Variants in AFAP1 observed in about 807,000 individuals in gnomAD.
The protein encoded by AFAP1 is actin filament associated protein 1.
AFAP1 carries 75 observed loss-of-function variants against 93.9 expected under a neutral mutation model. The ratio of observed to expected loss-of-function variants is 0.80; its 90% CI spans 0.66 to 0.97. The LOEUF (loss-of-function observed/expected upper bound fraction) is 0.97. Among genes scored for constraint, AFAP1 ranks in the 50% least tolerant of loss-of-function variants. The pLI is 0.00. For synonymous variants in AFAP1, 517 were observed against 430.7 expected (o/e 1.20, Z -2.48); for missense variants, 1,201 against 1,050.8 (o/e 1.14, Z -1.98).
At chr4:7,795,598 G>T (rs1273427418) in intron 10 of AFAP1, among the ~76,000 whole-genome samples, 1 of 151,294 alleles carries the variant, frequency 6.6e-6, no homozygotes, top group Non-Finnish European at 1.5e-5. Context: ...ATAATTTTTT[G>T]TATTTTTAGT....
At chr4:7,858,543 T>A (rs939850417) in intron 3 of AFAP1, among the ~76,000 whole-genome samples, 26 of 152,084 alleles carry the variant, frequency 1.7e-4, no homozygotes, top group Non-Finnish European at 3.8e-4. Flanking sequence ...GTCTTTCCAA[T>A]CCTTTCCAAT....
At chr4:7,855,279 G>C (rs1022216692) in intron 4 of AFAP1, among the ~76,000 whole-genome samples, 187 bp downstream of exon 4, 1 of 152,236 alleles carries the variant, frequency 6.6e-6, no homozygotes, top group Non-Finnish European at 1.5e-5. Context: ...AGAGAGGCTT[G>C]TGTGTGAGGC....
chr4:7,787,863 C>T (rs1717454536), intron 11 of AFAP1, among the ~76,000 whole-genome samples: 1 of 152,156 alleles, frequency 6.6e-6, no homozygotes, highest in Admixed American at 6.5e-5. Context: ...CTGGGTGCCC[C>T]GGCACTCCCC....
At chr4:7,783,312 G>C (rs1340639736) in intron 12 of AFAP1, among the ~76,000 whole-genome samples, 1 of 152,114 alleles carries the variant, frequency 6.6e-6, no homozygotes, top group Non-Finnish European at 1.5e-5. Flanking sequence ...GCTAATTTTT[G>C]TATTTTTAGT....
chr4:7,763,795 G>GAGGAAAGGAGAGTCTTGT lies in AFAP1; in HGVS notation c.2419-22_2419-5dup. On this transcript the variant is annotated splice_polypyrimidine_tract_variant and splice_region_variant and intron_variant, in intron 17 of 17. Coordinates refer to ENST00000420658, the MANE Select transcript of AFAP1 (RefSeq NM_001134647.2). ...TCCCGTTCTTCAATTCCCATTCCTA[G>GAGGAAAGGAGAGTCTTGT]AGGAAAGGAGAGTCTTGTAAGTGGA... is the stretch of plus-strand genomic sequence containing the variant. 2.6e-6 allele frequency: 4 copies of GAGGAAAGGAGAGTCTTGT among 1,551,608 alleles called. No homozygotes were observed. The South Asian group carries it at 4.8e-5, about 18-fold the overall frequency.
chr4:7,848,656 T>C (rs1194028072), intron 4 of AFAP1, among the ~76,000 whole-genome samples: 1 of 152,162 alleles, frequency 6.6e-6, no homozygotes, highest in Non-Finnish European at 1.5e-5. Flanking sequence ...CTTCCCCGTG[T>C]GGACCACTCA....
intron 3 of AFAP1, among the ~76,000 whole-genome samples, chr4:7,856,404 G>A (rs189816759): frequency 4.5e-4 from 68 of 152,004 alleles, no homozygotes; most frequent in African/African-American, 1.5e-3. Context: ...CACCACACCC[G>A]GCTAATTTTT....
intron 1 of AFAP1, among the ~76,000 whole-genome samples, chr4:7,896,026 A>G (rs1251175243): frequency 6.6e-6 from 1 of 151,830 alleles, no homozygotes; most frequent in East Asian, 1.9e-4. Context: ...ACACCCGGCT[A>G]ATTTTTGTAC....
chr4:7,770,495 A>G (rs1490743703), intron 16 of AFAP1, among the ~76,000 whole-genome samples: 1 of 152,222 alleles, frequency 6.6e-6, no homozygotes, highest in African/African-American at 2.4e-5. Flanking sequence ...AGCATGGACA[A>G]CTGCTTCCAA....
At chr4:7,765,208 C>A (rs1343476800) in intron 17 of AFAP1, among the ~76,000 whole-genome samples, 1 of 152,130 alleles carries the variant, frequency 6.6e-6, no homozygotes, top group Non-Finnish European at 1.5e-5. Flanking sequence ...CAAAGGCCTC[C>A]CATCTCCACT....
intron 6 of AFAP1, among the ~76,000 whole-genome samples, chr4:7,827,642 G>A (rs1721553766): frequency 6.8e-6 from 1 of 146,802 alleles, no homozygotes. Flanking sequence ...GCTTCCCCAA[G>A]TGAAGCTTTT....
intron 3 of AFAP1, among the ~76,000 whole-genome samples, chr4:7,866,418 A>G (rs1250307463): frequency 2.0e-5 from 3 of 149,950 alleles, no homozygotes; most frequent in Non-Finnish European, 4.4e-5. Context: ...CTAGTCTTGA[A>G]CTCCTGAGCT....
chr4:7,833,851 G>A (rs1022096268), intron 6 of AFAP1, among the ~76,000 whole-genome samples: 1 of 152,044 alleles, frequency 6.6e-6, no homozygotes, highest in African/African-American at 2.4e-5. Context: ...GCCTCCCAAA[G>A]TGCTGGGATT....
chr4:7,875,431 A>C (rs1717438371), intron 1 of AFAP1, among the ~76,000 whole-genome samples: 1 of 152,138 alleles, frequency 6.6e-6, no homozygotes, highest in African/African-American at 2.4e-5. Context: ...TCATTAATCA[A>C]TTTCTTGATT....
At chr4:7,917,038 G>C (rs1025096719) in intron 1 of AFAP1, among the ~76,000 whole-genome samples, 3 of 152,190 alleles carry the variant, frequency 2.0e-5, no homozygotes, top group Non-Finnish European at 4.4e-5. Flanking sequence ...CCATGAGTTT[G>C]AGCAAGCAGC....
intron 4 of AFAP1, among the ~76,000 whole-genome samples, chr4:7,853,852 G>A (rs1295641233): frequency 6.6e-6 from 1 of 152,174 alleles, no homozygotes; most frequent in Non-Finnish European, 1.5e-5. Flanking sequence ...TGTGATTGGA[G>A]AAGCCACTGT....
At position 7,759,938 on chromosome 4, in the gene AFAP1, A is replaced by T. The variant is rs1260967490; in HGVS notation, c.*3827T>A. ...TCTAATGACATCAGTTCCGTGCATG[A>T]ACACAGCACCTCACCTGGGTGGCAA... On this transcript the variant is annotated 3_prime_UTR_variant, in exon 18 of 18. Coordinates refer to ENST00000420658, the MANE Select transcript of AFAP1 (RefSeq NM_001134647.2). The T allele has an allele frequency of 6.6e-6, 1 of 152,260 alleles. No homozygotes were observed. Among genetic ancestry groups the T allele is most frequent in the African/African-American group, 2.4e-5 (1 of 41,468 alleles). 9.4% of individuals were successfully genotyped at this position (152,260 alleles called of 1,614,324 possible).
chr4:7,779,186 C>A, intron 13 of AFAP1: 1 of 335,972 alleles, frequency 3.0e-6, no homozygotes, highest in South Asian at 3.5e-5. Context: ...AGCTGACTAC[C>A]CCAGAGCACT....
intron 16 of AFAP1, among the ~76,000 whole-genome samples, chr4:7,769,348 C>CT (rs2148951913): frequency 6.6e-6 from 1 of 152,322 alleles, no homozygotes; most frequent in African/African-American, 2.4e-5. Context: ...TAGCTGGTCC[C>CT]TTTGTGCAGT....
Sources: gnomAD v4.1 joint callset for allele counts (sites outside exome capture counted in the v4.1 genomes callset) on GRCh38, gnomAD v4.1.1 for gene constraint, MANE v1.5 for transcripts, NCBI Gene and HGNC (gene_info 2026-07-23, HGNC 2026-07-21) for gene names.